Variants in PDGFC observed in about 807,000 individuals in gnomAD.
PDGFC encodes the protein platelet derived growth factor C, also known as platelet-derived growth factor C.
PDGFC carries 12 observed loss-of-function variants against 35.5 expected under a neutral mutation model. That is an observed-to-expected ratio of 0.34 (90% CI 0.22 to 0.55). PDGFC has a LOEUF of 0.55. Among genes scored for constraint, PDGFC ranks in the 20% least tolerant of loss-of-function variants. PDGFC has a pLI of 0.91. For missense variants in PDGFC, 322 were observed against 412.4 expected (o/e 0.78, Z 1.90); for synonymous variants, 159 against 148.8 (o/e 1.07, Z -0.50).
intron 3 of PDGFC, among the ~76,000 whole-genome samples, chr4:156,793,534 C>CATATATAT (rs66571528): frequency 1.4e-3 from 184 of 130,616 alleles, no homozygotes; most frequent in South Asian, 6.7e-3. Flanking sequence ...GAATTATGTG[C>CATATATAT]ATATATATAT....
intron 1 of PDGFC, among the ~76,000 whole-genome samples, chr4:156,947,430 T>C (rs910191756): frequency 1.3e-5 from 2 of 152,028 alleles, no homozygotes; most frequent in African/African-American, 4.8e-5. Context: ...AGACAGTAGT[T>C]TTCATTTGAA....
chr4:156,898,406 C>A (rs192836512), intron 1 of PDGFC, among the ~76,000 whole-genome samples: 1 of 152,256 alleles, frequency 6.6e-6, no homozygotes, highest in African/African-American at 2.4e-5. Context: ...CTAATAACTA[C>A]TGAAGTGATA....
At chr4:156,829,061 C>T (rs900087133) in intron 2 of PDGFC, among the ~76,000 whole-genome samples, 18 of 152,052 alleles carry the variant, frequency 1.2e-4, no homozygotes, top group Admixed American at 1.3e-4. Context: ...AATAATTTAA[C>T]TTCTATTATG....
At chr4:156,895,927 T>TA (rs1268732722) in intron 1 of PDGFC, among the ~76,000 whole-genome samples, 13 of 152,200 alleles carry the variant, frequency 8.5e-5, no homozygotes, top group Non-Finnish European at 1.3e-4. Context: ...TTAATGGTGC[T>TA]AAAAAATACT....
chr4:156,794,763 A>G (rs900023683), intron 3 of PDGFC, among the ~76,000 whole-genome samples: 3 of 152,142 alleles, frequency 2.0e-5, no homozygotes, highest in Admixed American at 2.0e-4. Flanking sequence ...CTAATTATAG[A>G]AAAAAATCAT....
chr4:156,947,208 T>A (rs1731969685), intron 1 of PDGFC, among the ~76,000 whole-genome samples: 3 of 151,970 alleles, frequency 2.0e-5, no homozygotes, highest in African/African-American at 7.2e-5. Context: ...CCCAGCCATC[T>A]CTTATTCAGG....
chr4:156,945,172 G>T (rs1297390032), intron 1 of PDGFC, among the ~76,000 whole-genome samples: 1 of 151,074 alleles, frequency 6.6e-6, no homozygotes, highest in East Asian at 1.9e-4. Flanking sequence ...TAAACTCCAG[G>T]AGACCACAAG....
chr4:156,761,211 C>G lies in PDGFC; in HGVS notation c.*1879G>C, dbSNP rs945164596. On this transcript the variant is annotated 3_prime_UTR_variant, in exon 6 of 6. Transcript: ENST00000502773. ...GAATCTATGTCTGGAACTGAGGAAC[C>G]ATATCTTGAAGTGTGCAATGTACAA... is the stretch of plus-strand genomic sequence containing the variant. 2.0e-5 allele frequency: 3 copies of G among 152,152 alleles called. No individual in the cohort carries two copies. The highest frequency in any genetic ancestry group is 7.2e-5 in the African/African-American group (3 of 41,420). The allele number at this position is 152,152 out of a possible 1,614,324, so 9.4% of individuals were successfully genotyped here.
At chr4:156,802,982 T>C (rs927891709) in intron 3 of PDGFC, among the ~76,000 whole-genome samples, 8 of 152,060 alleles carry the variant, frequency 5.3e-5, no homozygotes, top group South Asian at 2.1e-4. Flanking sequence ...AGGAAGTAAA[T>C]TGAGACACAG....
intron 1 of PDGFC, among the ~76,000 whole-genome samples, chr4:156,878,233 T>A: frequency 6.6e-6 from 1 of 152,228 alleles, no homozygotes; most frequent in East Asian, 1.9e-4. Flanking sequence ...GAATTAAAAC[T>A]GTGAGAGGAG....
At chr4:156,818,646 G>A (rs1016820209) in intron 2 of PDGFC, among the ~76,000 whole-genome samples, 3 of 146,222 alleles carry the variant, frequency 2.1e-5, no homozygotes, top group Admixed American at 7.1e-5. Flanking sequence ...TCAGCCTCCC[G>A]AGTAGCTGGG....
chr4:156,950,448 T>C (rs1201391698), intron 1 of PDGFC, among the ~76,000 whole-genome samples: 1 of 151,906 alleles, frequency 6.6e-6, no homozygotes, highest in East Asian at 1.9e-4. Context: ...TTCCATTGTC[T>C]AGTCACTCCT....
chr4:156,806,752 C>A (rs552142777), intron 3 of PDGFC, among the ~76,000 whole-genome samples: 1 of 152,072 alleles, frequency 6.6e-6, no homozygotes, highest in African/African-American at 2.4e-5. Context: ...GATTCTGGAG[C>A]AAAAGTTATT....
intron 1 of PDGFC, among the ~76,000 whole-genome samples, chr4:156,892,846 T>C (rs1730545225): frequency 1.3e-5 from 2 of 152,208 alleles, no homozygotes; most frequent in African/African-American, 4.8e-5. Flanking sequence ...TTATACTTCT[T>C]ACGTCAAACG....
rs139111100 is a variant in PDGFC, at chr4:156,794,804, C to T, written c.495+16033G>A. On this transcript the variant is annotated intron_variant, in intron 3 of 5. Coordinates refer to ENST00000502773, the MANE Select transcript of PDGFC (RefSeq NM_016205.3). ...AGAACAAAAATATATTAAATATCAA[C>T]ATTTTGTCAAGCATATTACTAGCTA... Among the ~76,000 whole-genome samples, 1,103 of 152,142 alleles carry T rather than the reference C, an allele frequency of 7.2e-3. 14 individuals are homozygous for T. The highest frequency in any genetic ancestry group is 0.025 in the African/African-American group (1,034 of 41,512).
intron 3 of PDGFC, among the ~76,000 whole-genome samples, chr4:156,809,815 A>G (rs1256908438): frequency 2.0e-5 from 3 of 151,974 alleles, no homozygotes; most frequent in Admixed American, 2.0e-4. Flanking sequence ...AATATAATAT[A>G]GACAGAAGTT....
At chr4:156,839,532 C>A (rs549799072) in intron 2 of PDGFC, among the ~76,000 whole-genome samples, 1 of 152,092 alleles carries the variant, frequency 6.6e-6, no homozygotes, top group African/African-American at 2.4e-5. Flanking sequence ...TTTACAGCCG[C>A]GTGAGAATGG....
intron 3 of PDGFC, among the ~76,000 whole-genome samples, chr4:156,777,051 C>A (rs1273968610): frequency 6.7e-6 from 1 of 149,972 alleles, no homozygotes; most frequent in Non-Finnish European, 1.5e-5. Flanking sequence ...TTTTTTTTTT[C>A]TTTTAACTCT....
intron 2 of PDGFC, among the ~76,000 whole-genome samples, chr4:156,831,190 G>A (rs1440949677): frequency 6.6e-6 from 1 of 152,100 alleles, no homozygotes; most frequent in Non-Finnish European, 1.5e-5. Flanking sequence ...GCACAGAGTA[G>A]GCAATCGACT....
Sources: allele counts gnomAD v4.1 joint callset (sites outside exome capture counted in the v4.1 genomes callset), GRCh38; gene constraint gnomAD v4.1.1; transcripts MANE v1.5; gene names NCBI Gene and HGNC (gene_info 2026-07-23, HGNC 2026-07-21).